Variants in HEY2 observed in about 807,000 individuals in gnomAD.
HEY2 encodes the protein hairy/enhancer-of-split related with YRPW motif protein 2.
Under a neutral mutation model 18.1 loss-of-function variants are expected in HEY2, and 10 were observed. The ratio of observed to expected loss-of-function variants is 0.55; its 90% CI spans 0.34 to 0.94. The LOEUF is 0.94. Among genes scored for constraint, HEY2 ranks in the 40% least tolerant of loss-of-function variants. HEY2 has a pLI of 0.02. For missense variants in HEY2, 455 were observed against 455.9 expected, an observed-to-expected ratio of 1.00 and a Z score of 0.02; for synonymous variants, 210 against 182.7, an observed-to-expected ratio of 1.15 and a Z score of -1.21.
chr6:125,756,524 G>A (rs529472104), intron 4 of HEY2, among the ~76,000 whole-genome samples: 22 of 152,114 alleles, frequency 1.4e-4, no homozygotes, highest in Non-Finnish European at 2.6e-4. Context: ...CCGAGATCGC[G>A]CCATTGCACT....
chr6:125,753,447 T>C (rs937108171), intron 3 of HEY2, among the ~76,000 whole-genome samples: 1 of 152,174 alleles, frequency 6.6e-6, no homozygotes, highest in Non-Finnish European at 1.5e-5. Context: ...ACAATATGAT[T>C]AGAAAAGTGT....
intron 1 of HEY2, among the ~76,000 whole-genome samples, chr6:125,750,599 A>G (rs1773525694): frequency 6.6e-6 from 1 of 152,232 alleles, no homozygotes; most frequent in South Asian, 2.1e-4. Flanking sequence ...TCAAAGAGGG[A>G]AATTCTTCCT....
Position 125,759,782 on chromosome 6 carries a change from A to G in HEY2, c.994A>G (p.Thr332Ala). The G allele has an allele frequency of 1.2e-6, 2 of 1,613,810 alleles. No individual in the cohort carries two copies. The highest frequency in any genetic ancestry group is 2.2e-5 in the South Asian group (2 of 91,040). ...TNNKPYRPWG[T>A]EVGAF Reference sequence around the variant, plus strand: ...CAATAAACCTTACCGACCCTGGGGGACAGAAGTTGGAGCTTTTTAAATTTT... The same window carrying G: ...CAATAAACCTTACCGACCCTGGGGGGCAGAAGTTGGAGCTTTTTAAATTTT... Residue 332 changes from threonine (T) to alanine (A), a missense_variant, in exon 5 of 5, where the codon ACA (threonine) becomes GCA (alanine). Physicochemically the swap from Thr to Ala is moderately conservative, Grantham distance 58. Coordinates refer to ENST00000368364, the MANE Select transcript of HEY2 (RefSeq NM_012259.3).
At chr6:125,758,822 G>A (rs9321054) in intron 4 of HEY2, among the ~76,000 whole-genome samples, 62,932 of 152,154 alleles carry the variant, frequency 0.41, 14,686 homozygotes, top group East Asian at 0.7. Flanking sequence ...TTGAAACGCG[G>A]ATGTTCTTAA....
At chr6:125,757,859 A>G (rs951464570) in intron 4 of HEY2, among the ~76,000 whole-genome samples, 7 of 152,200 alleles carry the variant, frequency 4.6e-5, no homozygotes, top group Non-Finnish European at 5.9e-5. Flanking sequence ...CTGAGGCAGG[A>G]AGATCACTTA....
At position 125,751,798 on chromosome 6, in the gene HEY2, T is replaced by C. The variant is rs1285710162; in HGVS notation, c.84-3T>C. 12 of 1,603,398 alleles carry C rather than the reference T, an allele frequency of 7.5e-6. No homozygotes were observed. In the African/African-American group the frequency reaches 1.2e-4, roughly 16 times the overall value. Reference sequence around the variant, plus strand: ...CACCTGACATACTCTTCTTATTTCATAGGCAAAGTACTAGCTCTGTGATTA... The same window carrying C: ...CACCTGACATACTCTTCTTATTTCACAGGCAAAGTACTAGCTCTGTGATTA... On this transcript the variant is annotated splice_polypyrimidine_tract_variant and splice_region_variant and intron_variant, in intron 1 of 4. Transcript: ENST00000368364.
chr6:125,759,538 G>GCCACCTCTCT lies in HEY2; in HGVS notation c.762_771dup (p.Leu258HisfsTer71). The stretch of plus-strand genomic sequence containing the variant: ...CCACGGGCAGCGTCGCCCCCTGCGT[G>GCCACCTCTCT]CCACCTCTCTCCACCTCTCTCTTGT... On this transcript the variant is annotated frameshift_variant, in exon 5 of 5. Coordinates refer to ENST00000368364, the MANE Select transcript of HEY2 (RefSeq NM_012259.3). LOFTEE classifies it low-confidence loss of function (END_TRUNC). 1.2e-6 allele frequency: 2 copies of GCCACCTCTCT among 1,611,036 alleles called. No homozygotes were observed. Among genetic ancestry groups the GCCACCTCTCT allele is most frequent in the Non-Finnish European group, 1.7e-6 (2 of 1,179,934 alleles).
chr6:125,759,854 C>T lies in HEY2; in HGVS notation c.*52C>T, dbSNP rs1326385138. 2.7e-6 allele frequency: 4 copies of T among 1,474,538 alleles called. No individual in the cohort carries two copies. The highest frequency in any genetic ancestry group is 3.8e-6 in the Non-Finnish European group (4 of 1,065,734). 91.3% of individuals were successfully genotyped at this position (1,474,538 alleles called of 1,614,324 possible). A position where few individuals can be genotyped will look rare whatever the true frequency, so the allele number is the denominator to read the frequency against. On this transcript the variant is annotated 3_prime_UTR_variant, in exon 5 of 5. Coordinates refer to ENST00000368364, the MANE Select transcript of HEY2 (RefSeq NM_012259.3). ...AACTGAATGTCCTCCATTTCAGAGT[C>T]AGCTTAAAACCTCTGCACCCTGAAG...
At chr6:125,757,038 A>G (rs1232183451) in intron 4 of HEY2, among the ~76,000 whole-genome samples, 1 of 152,226 alleles carries the variant, frequency 6.6e-6, no homozygotes, top group Non-Finnish European at 1.5e-5. Flanking sequence ...GGCAAACCAC[A>G]AATTTCAATT....
chr6:125,752,199 T>C (rs1773559442), intron 3 of HEY2, 109 bp downstream of exon 3: 8 of 666,058 alleles, frequency 1.2e-5, no homozygotes, highest in African/African-American at 1.9e-5. Flanking sequence ...TTGTTAAAGC[T>C]CATTAAAATA....
intron 1 of HEY2, chr6:125,750,483 A>C: frequency 1.2e-6 from 1 of 836,374 alleles, no homozygotes; most frequent in Non-Finnish European, 1.4e-6. Context: ...CTTTCCTGTG[A>C]CAGAGGGAGA....
chr6:125,751,762 T>G (rs1773546965), intron 1 of HEY2, 39 bp from the exon 2 acceptor site: 1 of 1,349,850 alleles, frequency 7.4e-7, no homozygotes, highest in Non-Finnish European at 1.1e-6. Flanking sequence ...ACTATTGTTA[T>G]GTTAATGCAG....
At chr6:125,754,298 C>A (rs182028428) in intron 3 of HEY2, among the ~76,000 whole-genome samples, 167 bp from the exon 4 acceptor site, 1 of 152,190 alleles carries the variant, frequency 6.6e-6, no homozygotes, top group African/African-American at 2.4e-5. Context: ...TTAATTAGTG[C>A]TTTCATGTAA....
At position 125,759,575 on chromosome 6, in the gene HEY2, A is replaced by T; in HGVS notation, c.787A>T (p.Thr263Ser). The change falls in exon 5 of 5, where the codon ACC becomes TCC. Residue 263 changes from threonine to serine, a missense_variant. By Grantham distance (58) the Thr-to-Ser change is moderately conservative. Coordinates refer to ENST00000368364, the MANE Select transcript of HEY2 (RefSeq NM_012259.3). ...LSTSLLSLSA[T>S]VHAAAAAATA... is the part of the protein sequence containing the mutation. ...CACCTCTCTCTTGTCCCTCTCTGCCACCGTCCACGCCGCAGCCGCAGCAGC... is the reference window on the plus strand; with the variant it reads ...CACCTCTCTCTTGTCCCTCTCTGCCTCCGTCCACGCCGCAGCCGCAGCAGC... 6.2e-7 allele frequency: 1 copy of T among 1,610,404 alleles called. No homozygotes were observed. The highest frequency in any genetic ancestry group is 8.5e-7 in the Non-Finnish European group (1 of 1,179,800).
At chr6:125,755,444 A>C (rs970893734) in intron 4 of HEY2, among the ~76,000 whole-genome samples, 2 of 152,220 alleles carry the variant, frequency 1.3e-5, no homozygotes, top group Non-Finnish European at 2.9e-5. Context: ...AGGAGAAGGT[A>C]TCAGAAGGAT....
At chr6:125,757,167 C>G (rs187308545) in intron 4 of HEY2, among the ~76,000 whole-genome samples, 3 of 152,066 alleles carry the variant, frequency 2.0e-5, no homozygotes, top group Non-Finnish European at 4.4e-5. Flanking sequence ...GTAGAATAAC[C>G]TAAGTTTCGA....
chr6:125,752,557 T>G lies in HEY2; in HGVS notation c.246+467T>G, dbSNP rs568379057. 8.5e-5 allele frequency among the ~76,000 whole-genome samples: 13 copies of G among 152,274 alleles called. No individual in the cohort carries two copies. The East Asian group carries it at 2.5e-3, about 29-fold the overall frequency. ...CCTAAATGATAATACCACTAAAATT[T>G]ATTTACCAAGCCATTTGCTTTCATT... On this transcript the variant is annotated intron_variant, in intron 3 of 4. Coordinates refer to ENST00000368364, the MANE Select transcript of HEY2 (RefSeq NM_012259.3).
At chr6:125,750,461 G>C (rs1773522879) in intron 1 of HEY2, 10 of 931,284 alleles carry the variant, frequency 1.1e-5, no homozygotes, top group Middle Eastern at 5.5e-4. Context: ...AATCACAGAA[G>C]CCAGACCTCC....
At position 125,759,390 on chromosome 6, in the gene HEY2, G is replaced by T; in HGVS notation, c.602G>T (p.Gly201Val). 1 of 1,608,566 alleles carries T rather than the reference G, an allele frequency of 6.2e-7. No homozygotes were observed. The highest frequency in any genetic ancestry group is 8.5e-7 in the Non-Finnish European group (1 of 1,178,142). The part of the protein sequence containing the change: ...HLPAALLQPN[G>V]LHASESTPCR... Reference sequence around the variant, plus strand: ...CCCGCAGCCCTGCTCCAGCCCAACGGCCTCCATGCCTCAGAGTCAACCCCT... The same window carrying T: ...CCCGCAGCCCTGCTCCAGCCCAACGTCCTCCATGCCTCAGAGTCAACCCCT... Residue 201 changes from glycine to valine, a missense_variant, in exon 5 of 5, where the codon GGC becomes GTC. Physicochemically the swap from Gly to Val is moderately radical, Grantham distance 109. Coordinates refer to ENST00000368364, the MANE Select transcript of HEY2 (RefSeq NM_012259.3).
Sources: allele counts gnomAD v4.1 joint callset (sites outside exome capture counted in the v4.1 genomes callset), GRCh38; gene constraint gnomAD v4.1.1; transcripts MANE v1.5; gene names NCBI Gene and HGNC (gene_info 2026-07-23, HGNC 2026-07-21).